Variants in ALDH16A1 observed in about 807,000 individuals in gnomAD.
ALDH16A1 encodes the protein aldehyde dehydrogenase 16 family member A1.
In ALDH16A1, 88 loss-of-function variants were observed where a neutral mutation model predicts 96.1. The ratio of observed to expected loss-of-function variants is 0.92; its 90% CI spans 0.77 to 1.09. ALDH16A1 has a LOEUF of 1.09. Ranked by LOEUF, ALDH16A1 falls within the 50% of genes least tolerant of loss-of-function variation. The pLI, the probability that ALDH16A1 is intolerant of heterozygous loss-of-function variation, is 0.00. For missense variants in ALDH16A1, 1,250 were observed against 1,112.6 expected (o/e 1.12, Z -1.76); for synonymous variants, 522 against 496.4 (o/e 1.05, Z -0.69).
intron 5 of ALDH16A1, 130 bp downstream of exon 5, chr19:49,461,029 G>C (rs953588346): frequency 1.0e-5 from 10 of 992,732 alleles, no homozygotes; most frequent in Non-Finnish European, 1.6e-5. Flanking sequence ...TGTGGGAGGA[G>C]GGGCTGCGGG....
intron 16 of ALDH16A1, chr19:49,469,588 T>A (rs570446994): frequency 8.0e-6 from 1 of 124,508 alleles, no homozygotes; most frequent in East Asian, 2.2e-4. Context: ...TTATTTTATT[T>A]TATTTTTTTT....
At position 49,464,884 on chromosome 19, in the gene ALDH16A1, G is replaced by C. The variant is rs2079185622; in HGVS notation, c.1568+122G>C. 3 of 1,467,058 alleles carry C rather than the reference G, an allele frequency of 2.0e-6. No homozygotes were observed. The African/African-American group carries it at 4.2e-5, about 20-fold the overall frequency. The allele number at this position is 1,467,058 out of a possible 1,614,324, so 90.9% of individuals were successfully genotyped here. ...CCAAACCATCTCTTAGTCCTGCTGAGTACCACGTTGTGGCCTCACACTTTC... is the reference window on the plus strand; with the variant it reads ...CCAAACCATCTCTTAGTCCTGCTGACTACCACGTTGTGGCCTCACACTTTC... On this transcript the variant is annotated intron_variant, in intron 12 of 16. Coordinates refer to ENST00000293350, the MANE Select transcript of ALDH16A1 (RefSeq NM_153329.4).
rs1161174008 is a variant in ALDH16A1 at position 49,461,622 on chromosome 19, G to A, written c.581G>A (p.Cys194Tyr). 6.9e-6 allele frequency: 11 copies of A among 1,584,338 alleles called. No homozygotes were observed. The highest frequency in any genetic ancestry group is 1.8e-5 in the Admixed American group (1 of 57,018). The change falls in exon 6 of 17, where the codon TGC becomes TAC. Residue 194 changes from cysteine (C) to tyrosine (Y), a missense_variant. Transcript: ENST00000293350. Reference sequence around the variant, plus strand: ...TTGAGCTGCCCCACTTCCCCAGGCTGCACCGTGGTGGCCCTCGTGCCCCCG... The same window carrying A: ...TTGAGCTGCCCCACTTCCCCAGGCTACACCGTGGTGGCCCTCGTGCCCCCG... ...WRICPALAVG[C>Y]TVVALVPPAS...
intron 14 of ALDH16A1, among the ~76,000 whole-genome samples, chr19:49,467,929 C>A (rs1392483346): frequency 6.7e-6 from 1 of 150,334 alleles, no homozygotes; most frequent in African/African-American, 2.4e-5. Context: ...CCAAGGTGGG[C>A]AGATCACAAG....
intron 12 of ALDH16A1, among the ~76,000 whole-genome samples, chr19:49,465,531 C>T (rs2079190408): frequency 6.6e-6 from 1 of 151,416 alleles, no homozygotes; most frequent in Admixed American, 6.6e-5. Flanking sequence ...TTAAGGTCCC[C>T]CAGAGGCTCA....
Position 49,463,915 on chromosome 19 carries a change from A to G in ALDH16A1, c.1160A>G (p.Asn387Ser). Residue 387 changes from asparagine to serine, a missense_variant, in exon 9 of 17, where the codon AAC (asparagine) becomes AGC (serine). Transcript: ENST00000293350. The part of the protein sequence containing the change: ...RPFYPPTLVS[N>S]LPPASPCAQV... The stretch of plus-strand genomic sequence containing the variant: ...TTCTATCCCCCAACCTTGGTCTCCA[A>G]CCTGCCCCCAGCCTCCCCATGTGCC... 1 of 1,613,060 alleles carries G rather than the reference A, an allele frequency of 6.2e-7. No individual in the cohort carries two copies. The highest frequency in any genetic ancestry group is 8.5e-7 in the Non-Finnish European group (1 of 1,179,434).
intron 12 of ALDH16A1, 60 bp downstream of exon 12, chr19:49,464,822 G>C (rs2079185117): frequency 6.2e-7 from 1 of 1,605,398 alleles, no homozygotes; most frequent in Non-Finnish European, 8.5e-7. Flanking sequence ...ATTGATGCCT[G>C]TTTCCCCGTG....
chr19:49,470,773 T>TTTTTTA lies in ALDH16A1; in HGVS notation c.*306_*307insTTTTTA. On this transcript the variant is annotated 3_prime_UTR_variant, in exon 17 of 17. Transcript: ENST00000293350. ...AAGGGATCCTCATGCCTCAGCCTCA[T>TTTTTTA]ATGTAGCTGGGGCCACAGACATGCA... 4.0e-6 allele frequency: 1 copy of TTTTTTA among 247,138 alleles called. No homozygotes were observed. Among genetic ancestry groups the TTTTTTA allele is most frequent in the South Asian group, 1.1e-4 (1 of 9,096 alleles). 15.3% of individuals were successfully genotyped at this position (247,138 alleles called of 1,614,324 possible).
At position 49,468,768 on chromosome 19, in the gene ALDH16A1, C is replaced by T. The variant is rs2079220909; in HGVS notation, c.2125-96C>T. 1 of 1,446,908 alleles carries T rather than the reference C, an allele frequency of 6.9e-7. No individual in the cohort carries two copies. The highest frequency in any genetic ancestry group is 9.4e-7 in the Non-Finnish European group (1 of 1,059,022). 89.6% of individuals were successfully genotyped at this position (1,446,908 alleles called of 1,614,324 possible). A position where few individuals can be genotyped will look rare whatever the true frequency, so the allele number is the denominator to read the frequency against. On this transcript the variant is annotated intron_variant, in intron 15 of 16. Transcript: ENST00000293350. This position sits in a 1 kb window ranked among gnomAD's most constrained non-coding sequence, Gnocchi z 4.4. ...GGCCTGGGGCTTTCTCCTCCATGACCCCCCATCCCCTTCCCTCCCATGGGC... is the reference window on the plus strand; with the variant it reads ...GGCCTGGGGCTTTCTCCTCCATGACTCCCCATCCCCTTCCCTCCCATGGGC...
intron 7 of ALDH16A1, 62 bp from the exon 8 acceptor site, chr19:49,462,508 T>C (rs916234488): frequency 4.5e-6 from 7 of 1,561,300 alleles, no homozygotes; most frequent in Non-Finnish European, 2.6e-6. Flanking sequence ...GTCTTCACTC[T>C]TCAGATCACC....
chr19:49,464,229 G>C lies in ALDH16A1; in HGVS notation c.1297G>C (p.Glu433Gln). 1 of 1,604,598 alleles carries C rather than the reference G, an allele frequency of 6.2e-7. No individual in the cohort carries two copies. Among genetic ancestry groups the C allele is most frequent in the Non-Finnish European group, 8.5e-7 (1 of 1,179,468 alleles). ...CGGGGGCAGCGCCAGTGTGTGGAGC[G>C]AGAGGCTGGGGCAGGCGCTGGAGCT... Reference protein sequence around the residue: ...PRGGSASVWSERLGQALELGY... With the variant: ...PRGGSASVWSQRLGQALELGY... Residue 433 changes from glutamate to glutamine, a missense_variant, in exon 10 of 17, where the codon GAG (glutamate) becomes CAG (glutamine). Transcript: ENST00000293350.
In ALDH16A1 at chr19:49,459,852, A is replaced by T; in HGVS notation, c.499+4A>T. On this transcript the variant is annotated splice_donor_region_variant and intron_variant, in intron 4 of 16. Transcript: ENST00000293350. The surrounding 1 kb of genome is among the most constrained non-coding windows in gnomAD (Gnocchi z 4.1). ...CTGGCAGGCTGGGAGCCCATGGGTGAGACCCTGGAGTCCCTAGCCCTATCC... is the reference window on the plus strand; with the variant it reads ...CTGGCAGGCTGGGAGCCCATGGGTGTGACCCTGGAGTCCCTAGCCCTATCC... 1 of 1,612,484 alleles carries T rather than the reference A, an allele frequency of 6.2e-7. No homozygotes were observed. Among genetic ancestry groups the T allele is most frequent in the Non-Finnish European group, 8.5e-7 (1 of 1,179,490 alleles).
At position 49,461,670 on chromosome 19, in the gene ALDH16A1, T is replaced by C; in HGVS notation, c.629T>C (p.Leu210Pro). The C allele has an allele frequency of 6.2e-7, 1 of 1,607,412 alleles. No homozygotes were observed. Among genetic ancestry groups the C allele is most frequent in the Non-Finnish European group, 8.5e-7 (1 of 1,177,216 alleles). The change falls in exon 6 of 17, where the codon CTG (leucine) becomes CCG (proline). Residue 210 changes from leucine to proline, a missense_variant. Transcript: ENST00000293350. ...VPPASPAPLL[L>P]AQLAGELGPF... The stretch of plus-strand genomic sequence containing the variant: ...CCGGCCTCCCCGGCGCCCCTCCTCC[T>C]GGCCCAGCTGGCGGGGGAGCTGGGC...
chr19:49,457,656 CTGGAG>C (rs779582993), intron 1 of ALDH16A1, among the ~76,000 whole-genome samples: 26 of 151,596 alleles, frequency 1.7e-4, no homozygotes, highest in South Asian at 1.3e-3. Flanking sequence ...GTTACTCAGG[CTGGAG>C]TGCAGTGGCG....
chr19:49,467,123 GC>G (rs1178935209), intron 14 of ALDH16A1, among the ~76,000 whole-genome samples: 1 of 152,082 alleles, frequency 6.6e-6, no homozygotes, highest in African/African-American at 2.4e-5. Context: ...GTCCAAGTGA[GC>G]CCCCCACCTC....
At chr19:49,458,422 G>T in intron 1 of ALDH16A1, 64 bp from the exon 2 acceptor site, 2 of 1,287,106 alleles carry the variant, frequency 1.6e-6, no homozygotes, top group South Asian at 2.5e-5. Context: ...GAGGATTCTG[G>T]GTAGGGGTTG....
At chr19:49,462,490 C>A in intron 7 of ALDH16A1, 80 bp from the exon 8 acceptor site, 1 of 1,494,046 alleles carries the variant, frequency 6.7e-7, no homozygotes, top group Non-Finnish European at 9.1e-7. Flanking sequence ...CCTAGTTTTC[C>A]AGCCTCTGTC....
At chr19:49,462,409 G>A (rs938367730) in intron 7 of ALDH16A1, among the ~76,000 whole-genome samples, 161 bp from the exon 8 acceptor site, 3 of 152,172 alleles carry the variant, frequency 2.0e-5, no homozygotes. Context: ...TGCTGGGACT[G>A]CAGGTGTGAG....
Position 49,461,682 on chromosome 19 carries a change from C to CG in ALDH16A1, c.646dup (p.Glu216GlyfsTer103), listed in dbSNP as rs1201603395. ...GCGCCCCTCCTCCTGGCCCAGCTGG[C>CG]GGGGGAGCTGGGCCCCTTCCCGGGA... On this transcript the variant is annotated frameshift_variant, in exon 6 of 17. Transcript: ENST00000293350. LOFTEE classifies it high-confidence loss of function. The CG allele has an allele frequency of 6.2e-7, 1 of 1,607,414 alleles. No homozygotes were observed. Among genetic ancestry groups the CG allele is most frequent in the Non-Finnish European group, 8.5e-7 (1 of 1,177,284 alleles).
Sources: gnomAD v4.1 joint callset for allele counts (sites outside exome capture counted in the v4.1 genomes callset) on GRCh38, gnomAD v4.1.1 for gene constraint, Gnocchi (gnomAD v3.1) non-coding constraint, MANE v1.5 for transcripts, NCBI Gene and HGNC (gene_info 2026-07-23, HGNC 2026-07-21) for gene names.